Variants in KAZN observed in about 807,000 individuals in gnomAD.
KAZN encodes the protein kazrin.
In KAZN, 40 loss-of-function variants were observed where a neutral mutation model predicts 87.4. The observed-to-expected ratio is 0.46, with a 90% CI of 0.36 to 0.60. The LOEUF is 0.60. Among genes scored for constraint, KAZN ranks in the 20% least tolerant of loss-of-function variants. KAZN has a pLI of 0.00. For missense variants in KAZN, 898 were observed against 1,073.9 expected, an observed-to-expected ratio of 0.84 and a Z score of 2.29; for synonymous variants, 466 against 458.3, an observed-to-expected ratio of 1.02 and a Z score of -0.22.
chr1:15,059,197 G>C (rs565170919), intron 5 of KAZN, among the ~76,000 whole-genome samples: 2 of 150,892 alleles, frequency 1.3e-5, no homozygotes, highest in African/African-American at 4.9e-5. Flanking sequence ...TCCGCCTCCC[G>C]AAGTGCTGAG....
intron 1 of KAZN, among the ~76,000 whole-genome samples, chr1:14,833,147 T>C (rs754876339): frequency 6.6e-6 from 1 of 152,190 alleles, no homozygotes; most frequent in Non-Finnish European, 1.5e-5. Flanking sequence ...GATGCCTCAG[T>C]CGAGTGCCCA....
intron 2 of KAZN, among the ~76,000 whole-genome samples, chr1:14,527,066 C>A (rs1245413375): frequency 6.6e-6 from 1 of 152,136 alleles, no homozygotes; most frequent in Non-Finnish European, 1.5e-5. Flanking sequence ...TCCCCGAATT[C>A]AATGGATTAA....
chr1:14,331,727 A>G (rs1490501301), intron 2 of KAZN, among the ~76,000 whole-genome samples: 3 of 152,154 alleles, frequency 2.0e-5, no homozygotes, highest in Non-Finnish European at 4.4e-5. Flanking sequence ...TCATCTAACC[A>G]TATGCTGCTA....
At chr1:14,705,782 A>T (rs1642175216) in intron 1 of KAZN, among the ~76,000 whole-genome samples, 1 of 152,212 alleles carries the variant, frequency 6.6e-6, no homozygotes, top group Non-Finnish European at 1.5e-5. Flanking sequence ...GGGAGTAGGG[A>T]AGGAGGCATG....
chr1:13,906,452 G>A (rs1264463067), intron 1 of KAZN, among the ~76,000 whole-genome samples: 1 of 152,144 alleles, frequency 6.6e-6, no homozygotes, highest in Non-Finnish European at 1.5e-5. Context: ...GTGAGGAAAT[G>A]ATGCTTCTAA....
chr1:14,345,416 G>A (rs180688399), intron 2 of KAZN, among the ~76,000 whole-genome samples: 69 of 152,284 alleles, frequency 4.5e-4, no homozygotes, highest in Non-Finnish European at 5.7e-4. Context: ...AAAATTTCCA[G>A]TAGCCACATC....
At chr1:14,113,976 T>G (rs941993754) in intron 1 of KAZN, among the ~76,000 whole-genome samples, 5 of 152,160 alleles carry the variant, frequency 3.3e-5, no homozygotes, top group Non-Finnish European at 7.3e-5. Flanking sequence ...AGGGAAAAGC[T>G]CAGTGGTGGT....
intron 2 of KAZN, among the ~76,000 whole-genome samples, chr1:14,392,428 C>T (rs974732315): frequency 1.8e-4 from 28 of 152,062 alleles, no homozygotes; most frequent in African/African-American, 6.8e-4. Flanking sequence ...GATTCGGTTC[C>T]TAGTTGGCCG....
At position 15,094,887 on chromosome 1, in the gene KAZN, C is replaced by G. The variant is rs1334156947; in HGVS notation, c.1501C>G (p.Leu501Val). Residue 501 changes from leucine (L) to valine (V), a missense_variant, in exon 10 of 15, where the codon CTG becomes GTG. This residue lies in a region of KAZN where 521 missense variants were observed against 689.4 expected (regional missense o/e 0.76). Coordinates refer to ENST00000376030, the MANE Select transcript of KAZN (RefSeq NM_201628.3). The surrounding 1 kb of genome is among the most constrained non-coding windows in gnomAD (Gnocchi z 4.5). Reference protein sequence around the residue: ...GVCSSLHRRKLRLAIEDYRDA... With the variant: ...GVCSSLHRRKVRLAIEDYRDA... ...GTGCAGCTCCCTGCACCGGCGCAAG[C>G]TGCGCCTGGCCATCGAGGACTACCG... The G allele has an allele frequency of 1.0e-5, 16 of 1,550,614 alleles. No homozygotes were observed. Among genetic ancestry groups the G allele is most frequent in the Non-Finnish European group, 1.3e-5 (15 of 1,146,778 alleles).
intron 1 of KAZN, among the ~76,000 whole-genome samples, chr1:14,947,402 G>A (rs1661948227): frequency 6.6e-6 from 1 of 152,238 alleles, no homozygotes; most frequent in Non-Finnish European, 1.5e-5. Context: ...CAGGAGCCTG[G>A]CCTTGGGGAG....
intron 2 of KAZN, among the ~76,000 whole-genome samples, chr1:14,237,641 A>G (rs1023359644): frequency 5.3e-5 from 8 of 152,190 alleles, no homozygotes; most frequent in Admixed American, 2.6e-4. Context: ...TGTAATCAAT[A>G]TAATGAAATA....
Position 14,960,894 on chromosome 1 carries a change from G to A in KAZN, c.418+19G>A. ...TTGCAGGGTGAGTGACGAGTCAGCA[G>A]CAGTTCCTTCGCTGGGAGCTCAGGC... On this transcript the variant is annotated intron_variant, in intron 2 of 14. Coordinates refer to ENST00000376030, the MANE Select transcript of KAZN (RefSeq NM_201628.3). 6.3e-7 allele frequency: 1 copy of A among 1,589,756 alleles called. No individual in the cohort carries two copies.
intron 2 of KAZN, among the ~76,000 whole-genome samples, chr1:14,504,536 G>A (rs1670446683): frequency 6.6e-6 from 1 of 152,208 alleles, no homozygotes; most frequent in African/African-American, 2.4e-5. Flanking sequence ...GCAACACGGA[G>A]TGGAAGCAGC....
chr1:14,033,643 C>G (rs1178318838), intron 1 of KAZN, among the ~76,000 whole-genome samples: 2 of 152,184 alleles, frequency 1.3e-5, no homozygotes, highest in Non-Finnish European at 2.9e-5. Flanking sequence ...CTCACTCCTT[C>G]TTATCTTGCT....
At chr1:14,895,591 G>A (rs1002146387) in intron 1 of KAZN, among the ~76,000 whole-genome samples, 21 of 152,224 alleles carry the variant, frequency 1.4e-4, no homozygotes, top group African/African-American at 4.6e-4. Context: ...GCGTAACCCA[G>A]CAAGGAACTC....
chr1:14,996,458 G>A lies in KAZN; in HGVS notation c.418+35583G>A, dbSNP rs1227167534. Among the ~76,000 whole-genome samples the A allele has an allele frequency of 6.6e-6, 1 of 152,174 alleles. No individual in the cohort carries two copies. The highest frequency in any genetic ancestry group is 1.5e-5 in the Non-Finnish European group (1 of 68,016). ...ATCATCAGACCCGGCACAGGGCCTG[G>A]CCTACAGTGGGTGCCCCAGGAATGT... is the stretch of plus-strand genomic sequence containing the variant. On this transcript the variant is annotated intron_variant, in intron 2 of 14. Coordinates refer to ENST00000376030, the MANE Select transcript of KAZN (RefSeq NM_201628.3). The surrounding 1 kb of genome is among the most constrained non-coding windows in gnomAD (Gnocchi z 5.9).
intron 1 of KAZN, among the ~76,000 whole-genome samples, chr1:14,025,618 C>T (rs1018383331): frequency 2.0e-5 from 3 of 152,154 alleles, no homozygotes; most frequent in African/African-American, 7.2e-5. Context: ...AAACCTTCTG[C>T]CATGATGGAT....
At chr1:14,716,171 G>A (rs1047743123) in intron 1 of KAZN, among the ~76,000 whole-genome samples, 5 of 151,788 alleles carry the variant, frequency 3.3e-5, no homozygotes, top group African/African-American at 1.2e-4. Context: ...GTATGTACAC[G>A]TGTGTGTGTG....
At chr1:14,887,537 G>A (rs1306127762) in intron 1 of KAZN, among the ~76,000 whole-genome samples, 2 of 152,182 alleles carry the variant, frequency 1.3e-5, no homozygotes, top group East Asian at 3.8e-4. Context: ...GTTATCAGGA[G>A]TAAAATAATT....
Sources: allele counts gnomAD v4.1 joint callset (sites outside exome capture counted in the v4.1 genomes callset), GRCh38; gene constraint gnomAD v4.1.1; regional missense constraint gnomAD v4.1.1; non-coding constraint Gnocchi (gnomAD v3.1); transcripts MANE v1.5; gene names NCBI Gene and HGNC (gene_info 2026-07-23, HGNC 2026-07-21).